SALL1: variants seen among roughly 807,000 people sequenced by gnomAD.
The protein encoded by SALL1 is spalt like transcription factor 1, also known as sal-like protein 1.
A neutral mutation model predicts 73.1 loss-of-function variants in SALL1; 10 were observed. The ratio of observed to expected loss-of-function variants is 0.14; its 90% CI spans 0.08 to 0.23. The LOEUF (loss-of-function observed/expected upper bound fraction) is 0.23. Ranked by LOEUF, SALL1 falls within the 10% of genes least tolerant of loss-of-function variation. The probability of loss-of-function intolerance (pLI) is 1.00; values close to 1 mark genes in which losing one functional copy is unlikely to be tolerated. For synonymous variants in SALL1, 688 were observed against 689.8 expected (o/e 1.00, Z 0.04); for missense variants, 1,520 against 1,697.3 (o/e 0.90, Z 1.84).
At position 51,137,236 on chromosome 16, in the gene SALL1, C is replaced by T. The variant is rs1567314008; in HGVS notation, c.3851G>A (p.Arg1284Lys). The T allele has an allele frequency of 1.2e-6, 2 of 1,614,162 alleles. No homozygotes were observed. Among genetic ancestry groups the T allele is most frequent in the Middle Eastern group, 1.6e-4 (1 of 6,062 alleles). The change falls in exon 3 of 3, where the codon AGG (arginine) becomes AAG (lysine). Residue 1284 changes from arginine to lysine, a missense_variant. This residue lies in a region of SALL1 where 318 missense variants were observed against 357.1 expected (regional missense o/e 0.89). Transcript: ENST00000251020. ...PVSGLTGNLE[R>K]LQNSEPNAPL... ...AGCATTGGGCTCTGAGTTCTGGAGC[C>T]TCTCCAGGTTTCCCGTCAGCCCACT...
In SALL1 at chr16:51,139,790, C is replaced by G; in HGVS notation, c.2432G>C (p.Gly811Ala). The change falls in exon 2 of 3, where the codon GGT (glycine) becomes GCT (alanine). Residue 811 changes from glycine (G) to alanine (A), a missense_variant. Physicochemically the swap from Gly to Ala is moderately conservative, Grantham distance 60. This residue lies in a region of SALL1 where 266 missense variants were observed against 275.1 expected (regional missense o/e 0.97). Coordinates refer to ENST00000251020, the MANE Select transcript of SALL1 (RefSeq NM_002968.3). Reference protein sequence around the residue: ...SYSESMESDTGSFDEKNFDDL... With the variant: ...SYSESMESDTASFDEKNFDDL... ...ATCAAAATTTTTCTCATCAAAGGAA[C>G]CTGTGTCAGACTCCATGGACTCAGA... The G allele has an allele frequency of 6.2e-7, 1 of 1,614,190 alleles. No individual in the cohort carries two copies. Among genetic ancestry groups the G allele is most frequent in the East Asian group, 2.2e-5 (1 of 44,884 alleles).
chr16:51,142,189 C>T, intron 1 of SALL1, 44 bp from the exon 2 acceptor site: 1 of 1,420,370 alleles, frequency 7.0e-7, no homozygotes, highest in Non-Finnish European at 9.9e-7. Flanking sequence ...GGGGCCAGGA[C>T]ACACAGTCAC....
At chr16:51,149,976 C>T (rs1276961166) in intron 1 of SALL1, among the ~76,000 whole-genome samples, 3 of 152,196 alleles carry the variant, frequency 2.0e-5, no homozygotes, top group South Asian at 4.1e-4. Flanking sequence ...CTTGTGCGTC[C>T]TCCCACAGCC....
chr16:51,146,209 A>C (rs1201138509), intron 1 of SALL1, among the ~76,000 whole-genome samples: 1 of 152,178 alleles, frequency 6.6e-6, no homozygotes, highest in Admixed American at 6.5e-5. Context: ...GACGGGGATT[A>C]GAGTATTCTC....
In SALL1 at chr16:51,140,851, G is replaced by A. The variant is rs1407412064; in HGVS notation, c.1371C>T (p.Val457=). 3 of 1,614,230 alleles carry A rather than the reference G, an allele frequency of 1.9e-6. No homozygotes were observed. The highest frequency in any genetic ancestry group is 2.5e-6 in the Non-Finnish European group (3 of 1,180,046). ...FKHKCRFCAK[V]FGSDSALQIH... ...TCTGCAAGGCACTGTCACTCCCAAAGACCTTCGCGCAGAACCTGCACTTGT... is the reference window on the plus strand; with the variant it reads ...TCTGCAAGGCACTGTCACTCCCAAAAACCTTCGCGCAGAACCTGCACTTGT... Residue 457 remains valine (V), a synonymous_variant, in exon 2 of 3, where the codon GTC becomes GTT. Coordinates refer to ENST00000251020, the MANE Select transcript of SALL1 (RefSeq NM_002968.3). The surrounding 1 kb of genome is among the most constrained non-coding windows in gnomAD (Gnocchi z 5.7).
upstream of SALL1, among the ~76,000 whole-genome samples, chr16:51,151,923 C>T (rs948360461): frequency 6.6e-6 from 1 of 151,460 alleles, no homozygotes; most frequent in African/African-American, 2.4e-5. Context: ...GGGAGTCCCG[C>T]GGCGGGATCA....
At chr16:51,137,586 G>T in intron 2 of SALL1, 34 bp from the exon 3 acceptor site, 1 of 1,471,546 alleles carries the variant, frequency 6.8e-7, no homozygotes. Context: ...GAGAGACAGA[G>T]AGAGAGAGAG....
intron 1 of SALL1, among the ~76,000 whole-genome samples, chr16:51,145,919 G>T (rs940810220): frequency 3.3e-5 from 5 of 151,198 alleles, no homozygotes; most frequent in Admixed American, 3.3e-4. Flanking sequence ...AGTGGTTTAG[G>T]AGTCCTTAAT....
At chr16:51,149,454 G>C (rs1292171554) in intron 1 of SALL1, 1 of 152,146 alleles carries the variant, frequency 6.6e-6, no homozygotes, top group Admixed American at 6.5e-5. Context: ...AGAAAACCCG[G>C]AAAAATACTC....
intron 1 of SALL1, among the ~76,000 whole-genome samples, chr16:51,144,899 A>G (rs1172915221): frequency 6.6e-6 from 1 of 152,138 alleles, no homozygotes; most frequent in East Asian, 1.9e-4. Context: ...TTTTCACAAC[A>G]TTTTTAATAA....
rs770510932 is a variant in SALL1, at chr16:51,141,825, T to C, written c.397A>G (p.Asn133Asp). The C allele has an allele frequency of 2.5e-6, 4 of 1,613,928 alleles. No individual in the cohort carries two copies. The highest frequency in any genetic ancestry group is 4.5e-5 in the East Asian group (2 of 44,886). ...CTGGAAGTGCCGCTGCCGCTTTTGT[T>C]AGCAACCGGGGCCTCCACCTCCATG... ...ESMEVEAPVANKSGSGTSSGS... is the reference protein window; with the variant it reads ...ESMEVEAPVADKSGSGTSSGS... Residue 133 changes from asparagine to aspartate, a missense_variant, in exon 2 of 3, where the codon AAC (asparagine) becomes GAC (aspartate). Asn to Asp is a conservative substitution (Grantham distance 23). This residue lies in a region of SALL1 where 540 missense variants were observed against 567.5 expected (regional missense o/e 0.95). Transcript: ENST00000251020. This position sits in a 1 kb window ranked among gnomAD's most constrained non-coding sequence, Gnocchi z 5.4.
chr16:51,151,275 A>C (rs1281506181), upstream of SALL1: 1 of 1,453,278 alleles, frequency 6.9e-7, no homozygotes, highest in Non-Finnish European at 9.2e-7. Flanking sequence ...CAGAATAAAA[A>C]ATTACTAAAA....
intron 2 of SALL1, among the ~76,000 whole-genome samples, chr16:51,138,434 G>A (rs567868576): frequency 1.3e-5 from 2 of 152,192 alleles, no homozygotes; most frequent in Non-Finnish European, 2.9e-5. Context: ...CCGCTGCTTC[G>A]CTTAGGTACC....
Position 51,140,858 on chromosome 16 carries a change from G to C in SALL1, c.1364C>G (p.Ala455Gly), listed in dbSNP as rs756599740. ...AFFKHKCRFC[A>G]KVFGSDSALQ... is the part of the protein sequence containing the mutation. ...GGCACTGTCACTCCCAAAGACCTTCGCGCAGAACCTGCACTTGTGTTTGAA... is the reference window on the plus strand; with the variant it reads ...GGCACTGTCACTCCCAAAGACCTTCCCGCAGAACCTGCACTTGTGTTTGAA... Residue 455 changes from alanine (A) to glycine (G), a missense_variant, in exon 2 of 3, where the codon GCG becomes GGG. Ala to Gly is a moderately conservative substitution (Grantham distance 60). Around this residue, in one of 7 missense-constraint regions of SALL1, gnomAD observed 21 missense variants for 69.3 expected, o/e 0.30. Coordinates refer to ENST00000251020, the MANE Select transcript of SALL1 (RefSeq NM_002968.3). The surrounding 1 kb of genome is among the most constrained non-coding windows in gnomAD (Gnocchi z 5.7). The C allele has an allele frequency of 8.1e-6, 13 of 1,614,066 alleles. No homozygotes were observed. In the Admixed American group the frequency reaches 1.3e-4, roughly 17 times the overall value.
rs764833146 is a variant in SALL1, at chr16:51,138,775, C to T, written c.3447G>A (p.Leu1149=). 1.9e-6 allele frequency: 3 copies of T among 1,614,080 alleles called. No homozygotes were observed. In the Admixed American group the frequency reaches 5.0e-5, roughly 27 times the overall value. The change falls in exon 2 of 3, where the codon CTG becomes CTA. Residue 1149 remains leucine, a synonymous_variant. Coordinates refer to ENST00000251020, the MANE Select transcript of SALL1 (RefSeq NM_002968.3). ...CAGTGTGAGTTCTCTCGTGAATCTG[C>T]AGGGCACTCGATGAGGAGAAGGTTT... ...CGKTFSSSSA[L]QIHERTHTGE... is the part of the protein sequence containing the mutation.
At chr16:51,137,743 A>C (rs891385801) in intron 2 of SALL1, among the ~76,000 whole-genome samples, 191 bp from the exon 3 acceptor site, 2 of 152,216 alleles carry the variant, frequency 1.3e-5, no homozygotes, top group African/African-American at 4.8e-5. Context: ...CCTCCTGTCT[A>C]GTAATAACGT....
intron 1 of SALL1, among the ~76,000 whole-genome samples, chr16:51,146,150 C>A (rs1962515098): frequency 1.3e-5 from 2 of 152,026 alleles, no homozygotes; most frequent in Non-Finnish European, 2.9e-5. Context: ...ATGTGATATG[C>A]CACCAAATGA....
chr16:51,136,558 A>T lies in SALL1; in HGVS notation c.*554T>A, dbSNP rs1468367031. ...GGTTGAATTTTAGAATAAAAATTAA[A>T]AAACCAAACCTTTCAAAGAACCACA... On this transcript the variant is annotated 3_prime_UTR_variant, in exon 3 of 3. Coordinates refer to ENST00000251020, the MANE Select transcript of SALL1 (RefSeq NM_002968.3). The T allele has an allele frequency of 6.5e-6, 1 of 152,920 alleles. No individual in the cohort carries two copies. 9.5% of individuals were successfully genotyped at this position (152,920 alleles called of 1,614,324 possible).
intron 1 of SALL1, 165 bp downstream of exon 1, chr16:51,151,001 T>A: frequency 2.3e-6 from 1 of 443,838 alleles, no homozygotes; most frequent in Non-Finnish European, 3.9e-6. Context: ...AAAGGCACAT[T>A]GAAAATTAAA....
Sources: allele counts gnomAD v4.1 joint callset (sites outside exome capture counted in the v4.1 genomes callset), GRCh38; gene constraint gnomAD v4.1.1; regional missense constraint gnomAD v4.1.1; non-coding constraint Gnocchi (gnomAD v3.1); transcripts MANE v1.5; gene names NCBI Gene and HGNC (gene_info 2026-07-23, HGNC 2026-07-21).